CDH4: variants seen among roughly 807,000 people sequenced by gnomAD.
The protein encoded by CDH4 is cadherin-4.
CDH4 carries 33 observed loss-of-function variants against 86.0 expected under a neutral mutation model. That is an observed-to-expected ratio of 0.38 (90% confidence interval 0.29 to 0.51). The LOEUF (loss-of-function observed/expected upper bound fraction) is 0.51. Ranked by LOEUF, CDH4 falls within the 20% of genes least tolerant of loss-of-function variation. CDH4 has a pLI of 0.86. For missense variants in CDH4, 1,114 were observed against 1,307.4 expected (o/e 0.85, Z 2.28); for synonymous variants, 555 against 549.4 (o/e 1.01, Z -0.14).
chr20:61,277,839 C>G (rs2084238993), intron 2 of CDH4, among the ~76,000 whole-genome samples: 1 of 152,168 alleles, frequency 6.6e-6, no homozygotes, highest in African/African-American at 2.4e-5. Flanking sequence ...CTTTCCTGTG[C>G]TTTCTGTGCG....
chr20:61,482,956 C>T (rs12151951), intron 2 of CDH4, among the ~76,000 whole-genome samples: 4,332 of 152,280 alleles, frequency 0.028, 103 homozygotes, highest in Non-Finnish European at 0.044. Flanking sequence ...CAGGTTTGTG[C>T]AGCTGGAAGA....
intron 2 of CDH4, among the ~76,000 whole-genome samples, chr20:61,293,841 A>G (rs2084336672): frequency 6.6e-6 from 1 of 152,208 alleles, no homozygotes; most frequent in Non-Finnish European, 1.5e-5. Flanking sequence ...GCCCCTCACC[A>G]GGGTGGCATC....
chr20:61,630,710 A>G (rs970656464), intron 2 of CDH4, among the ~76,000 whole-genome samples: 1 of 152,224 alleles, frequency 6.6e-6, no homozygotes, highest in African/African-American at 2.4e-5. Context: ...GCAAGAACCA[A>G]CTTATGGATT....
chr20:61,705,125 CT>C (rs1466326109), intron 2 of CDH4, among the ~76,000 whole-genome samples: 2 of 152,232 alleles, frequency 1.3e-5, no homozygotes, highest in Admixed American at 1.3e-4. Context: ...ACACAGGGGC[CT>C]TGTGCCTAGA....
chr20:61,680,987 G>A (rs1271793683), intron 2 of CDH4, among the ~76,000 whole-genome samples: 1 of 152,172 alleles, frequency 6.6e-6, no homozygotes, highest in Non-Finnish European at 1.5e-5. Flanking sequence ...ATTCCTATTT[G>A]TTCCCTCCCT....
chr20:61,580,314 GC>G (rs1453369781), intron 2 of CDH4, among the ~76,000 whole-genome samples: 1 of 152,082 alleles, frequency 6.6e-6, no homozygotes, highest in Non-Finnish European at 1.5e-5. Flanking sequence ...AATTAGCCAG[GC>G]GTGGTGGTGC....
intron 2 of CDH4, among the ~76,000 whole-genome samples, chr20:61,301,942 T>G (rs768187006): frequency 6.6e-6 from 1 of 152,248 alleles, no homozygotes; most frequent in Non-Finnish European, 1.5e-5. Flanking sequence ...GGAAATTACA[T>G]GCGCTTTTAC....
intron 3 of CDH4, among the ~76,000 whole-genome samples, chr20:61,746,131 G>A (rs1045277282): frequency 6.6e-6 from 1 of 151,806 alleles, no homozygotes; most frequent in Non-Finnish European, 1.5e-5. Flanking sequence ...CCCCCAAATC[G>A]TGAGCCCCAC....
intron 4 of CDH4, among the ~76,000 whole-genome samples, chr20:61,826,261 GC>G (rs1236046044): frequency 6.6e-6 from 1 of 152,162 alleles, no homozygotes; most frequent in Non-Finnish European, 1.5e-5. Flanking sequence ...CTTTCTCCTT[GC>G]TTGCTCCACA....
chr20:61,804,152 G>T (rs1601005373), intron 4 of CDH4, among the ~76,000 whole-genome samples: 1 of 152,258 alleles, frequency 6.6e-6, no homozygotes. Flanking sequence ...TTTGCAGGAT[G>T]TCGGTCCTGC....
At chr20:61,546,381 ATG>A (rs1363315976) in intron 2 of CDH4, among the ~76,000 whole-genome samples, 2 of 148,334 alleles carry the variant, frequency 1.3e-5, no homozygotes, top group Non-Finnish European at 3.0e-5. Context: ...GGGGTGAGGT[ATG>A]TGTGCACACA....
At chr20:61,321,218 A>C (rs1247983932) in intron 2 of CDH4, among the ~76,000 whole-genome samples, 1 of 152,156 alleles carries the variant, frequency 6.6e-6, no homozygotes, top group Non-Finnish European at 1.5e-5. Flanking sequence ...GCGTTTATTT[A>C]ACTCTGCAAA....
chr20:61,883,727 C>T (rs1271889323), intron 7 of CDH4, among the ~76,000 whole-genome samples: 1 of 152,138 alleles, frequency 6.6e-6, no homozygotes, highest in Non-Finnish European at 1.5e-5. Flanking sequence ...CAAGAGAGGC[C>T]CCAGGGAGGA....
intron 9 of CDH4, among the ~76,000 whole-genome samples, chr20:61,913,069 A>G (rs911463587): frequency 6.6e-6 from 1 of 152,080 alleles, no homozygotes; most frequent in African/African-American, 2.4e-5. Context: ...TGTGATTCCA[A>G]GGAGGTATCT....
rs10641053 is a variant in CDH4, at chr20:61,602,694, TAAAAA to T, written c.170-140847_170-140843del. On this transcript the variant is annotated intron_variant, in intron 2 of 15. Coordinates refer to ENST00000614565, the MANE Select transcript of CDH4 (RefSeq NM_001794.5). ...TGCTGGGTTTATACATTCACTTTAT[TAAAAA>T]AAAAAAAAAAAAAAAAAAAAACTTG... Among the ~76,000 whole-genome samples the T allele has an allele frequency of 1.5e-4, 13 of 89,116 alleles. 1 individual carries two copies. The highest frequency in any genetic ancestry group is 1.8e-4 in the Non-Finnish European group (9 of 48,794). 58.5% of individuals were successfully genotyped at this position (89,116 alleles called of 152,430 possible).
chr20:61,706,456 A>T (rs946283864), intron 2 of CDH4, among the ~76,000 whole-genome samples: 4 of 152,192 alleles, frequency 2.6e-5, no homozygotes, highest in African/African-American at 7.2e-5. Context: ...GGTCTTAACA[A>T]ACATGATGAG....
At chr20:61,936,702 G>A (rs201559805) in intron 15 of CDH4, 35 bp from the exon 16 acceptor site, 87 of 1,479,050 alleles carry the variant, frequency 5.9e-5, no homozygotes, top group African/African-American at 1.6e-4. Flanking sequence ...GAGACAACGC[G>A]TCCTGCACCC....
chr20:61,545,987 G>T (rs1351268618), intron 2 of CDH4, among the ~76,000 whole-genome samples: 1 of 115,428 alleles, frequency 8.7e-6, no homozygotes, highest in Non-Finnish European at 1.7e-5. Flanking sequence ...TGTGTGGAGG[G>T]GTGTCTGTGC....
chr20:61,919,024 C>A lies in CDH4; in HGVS notation c.1375-4427C>A, dbSNP rs562934500. Among the ~76,000 whole-genome samples the A allele has an allele frequency of 9.0e-4, 137 of 152,292 alleles. 1 individual carries two copies. Among genetic ancestry groups the A allele is most frequent in the African/African-American group, 3.0e-3 (125 of 41,556 alleles). On this transcript the variant is annotated intron_variant, in intron 9 of 15. Coordinates refer to ENST00000614565, the MANE Select transcript of CDH4 (RefSeq NM_001794.5). ...TAGCTGGGACTACAGGTGTGTGCTACCACGCTCAACTAATTTCTTTTTGTT... is the reference window on the plus strand; with the variant it reads ...TAGCTGGGACTACAGGTGTGTGCTAACACGCTCAACTAATTTCTTTTTGTT...
Sources: allele counts gnomAD v4.1 joint callset (sites outside exome capture counted in the v4.1 genomes callset), GRCh38; gene constraint gnomAD v4.1.1; transcripts MANE v1.5; gene names NCBI Gene and HGNC (gene_info 2026-07-23, HGNC 2026-07-21).